CCNT2: variants seen among roughly 807,000 people sequenced by gnomAD.
CCNT2 encodes cyclin T2.
In CCNT2, 18 loss-of-function variants were observed where a neutral mutation model predicts 70.0. The observed-to-expected ratio is 0.26, with a 90% CI of 0.18 to 0.38. The LOEUF is 0.38. Ranked by LOEUF, CCNT2 falls within the 10% of genes least tolerant of loss-of-function variation. The probability of loss-of-function intolerance (pLI) is 1.00; values close to 1 mark genes in which losing one functional copy is unlikely to be tolerated. For missense variants in CCNT2, 734 were observed against 890.2 expected, an observed-to-expected ratio of 0.82 and a Z score of 2.23; for synonymous variants, 334 against 313.3, an observed-to-expected ratio of 1.07 and a Z score of -0.70.
intron 2 of CCNT2, among the ~76,000 whole-genome samples, chr2:134,930,167 C>T (rs1381611401): frequency 1.3e-5 from 2 of 152,200 alleles, no homozygotes; most frequent in Non-Finnish European, 2.9e-5. Context: ...CTCCCCTTCC[C>T]AACCCTGGGC....
intron 2 of CCNT2, among the ~76,000 whole-genome samples, chr2:134,925,986 C>T (rs1573781500): frequency 1.3e-5 from 2 of 151,624 alleles, no homozygotes; most frequent in East Asian, 1.9e-4. Context: ...CCACCTTAGC[C>T]TCCCAAGTAG....
In CCNT2 at chr2:134,957,910, C is replaced by T. The variant is rs1683018483; in HGVS notation, c.*3262C>T. 1 of 152,058 alleles carries T rather than the reference C, an allele frequency of 6.6e-6. No individual in the cohort carries two copies. The highest frequency in any genetic ancestry group is 2.1e-4 in the South Asian group (1 of 4,822). 9.4% of individuals were successfully genotyped at this position (152,058 alleles called of 1,614,324 possible). ...GATTGTATTAATAATTAATAGAATA[C>T]CTAATTTTTTTGGCCTATCCTCTTT... On this transcript the variant is annotated 3_prime_UTR_variant, in exon 9 of 9. Transcript: ENST00000264157.
chr2:134,924,922 T>C (rs1331510444), intron 2 of CCNT2, among the ~76,000 whole-genome samples: 2 of 152,210 alleles, frequency 1.3e-5, no homozygotes, highest in Admixed American at 1.3e-4. Context: ...TGAAGGACCC[T>C]AGAGTGTGTG....
chr2:134,944,237 A>T, intron 5 of CCNT2: 1 of 981,898 alleles, frequency 1.0e-6, no homozygotes, highest in Non-Finnish European at 1.2e-6. Flanking sequence ...TGAATTAAGG[A>T]AAAAGGGTTA....
chr2:134,949,807 G>GGA (rs1682317117), intron 7 of CCNT2, among the ~76,000 whole-genome samples: 1 of 137,496 alleles, frequency 7.3e-6, no homozygotes, highest in East Asian at 2.4e-4. Context: ...TTTTTCGGGG[G>GGA]GGGGGTGGGG....
intron 2 of CCNT2, among the ~76,000 whole-genome samples, chr2:134,922,047 T>G (rs1336472147): frequency 6.6e-6 from 1 of 152,218 alleles, no homozygotes; most frequent in African/African-American, 2.4e-5. Context: ...CGCCTCACTT[T>G]TATCTTTCTT....
At chr2:134,944,833 G>T (rs892852260) in intron 5 of CCNT2, 5 of 984,770 alleles carry the variant, frequency 5.1e-6, no homozygotes, top group Non-Finnish European at 6.0e-6. Context: ...ACTGTTTCTG[G>T]ATCACTGAAT....
chr2:134,947,825 A>C lies in CCNT2; in HGVS notation c.629A>C (p.Glu210Ala). The change falls in exon 7 of 9, where the codon GAG becomes GCG. Residue 210 changes from glutamate to alanine, a missense_variant. Physicochemically the swap from Glu to Ala is moderately radical, Grantham distance 107 (BLOSUM62 -1). Transcript: ENST00000264157. ...IHLACKWSNW[E>A]IPVSTDGKHW... The stretch of plus-strand genomic sequence containing the variant: ...TTGGCTTGCAAATGGTCCAATTGGG[A>C]GATCCCTGTATCAACTGATGGAAAG... 1 of 1,561,146 alleles carries C rather than the reference A, an allele frequency of 6.4e-7. No homozygotes were observed. Among genetic ancestry groups the C allele is most frequent in the Non-Finnish European group, 8.8e-7 (1 of 1,142,538 alleles).
intron 5 of CCNT2, 31 bp from the exon 6 acceptor site, chr2:134,946,070 T>C: frequency 1.9e-6 from 3 of 1,610,710 alleles, no homozygotes; most frequent in Non-Finnish European, 2.5e-6. Flanking sequence ...AGGCTGATAG[T>C]ATTGTCTTCG....
At chr2:134,924,638 C>T (rs7589040) in intron 2 of CCNT2, among the ~76,000 whole-genome samples, 52,305 of 151,770 alleles carry the variant, frequency 0.34, 9,762 homozygotes, top group Middle Eastern at 0.67. Context: ...TTAGTAGAGA[C>T]GGGTTTTCAC....
chr2:134,924,421 C>T (rs1254230488), intron 2 of CCNT2, among the ~76,000 whole-genome samples: 4 of 152,076 alleles, frequency 2.6e-5, no homozygotes, highest in East Asian at 3.8e-4. Context: ...AACTCAGTGT[C>T]GATCCCCTCC....
chr2:134,953,887 G>A lies in CCNT2; in HGVS notation c.1432G>A (p.Val478Ile). The change falls in exon 9 of 9, where the codon GTT (valine) becomes ATT (isoleucine). Residue 478 changes from valine (V) to isoleucine (I), a missense_variant. By Grantham distance (29) the Val-to-Ile change is conservative. This residue lies in a region of CCNT2 where 532 missense variants were observed against 556.9 expected (regional missense o/e 0.96). Coordinates refer to ENST00000264157, the MANE Select transcript of CCNT2 (RefSeq NM_058241.3). ...GQSQAASSSS[V>I]TSPIKMKIPI... ...GTCACAGGCAGCCAGCAGCAGTTCT[G>A]TTACTTCTCCCATTAAAATGAAAAT... 1 of 1,613,922 alleles carries A rather than the reference G, an allele frequency of 6.2e-7. No individual in the cohort carries two copies. Among genetic ancestry groups the A allele is most frequent in the South Asian group, 1.1e-5 (1 of 91,052 alleles).
At chr2:134,926,994 G>A (rs569714975) in intron 2 of CCNT2, among the ~76,000 whole-genome samples, 25 of 152,176 alleles carry the variant, frequency 1.6e-4, no homozygotes, top group Non-Finnish European at 2.1e-4. Flanking sequence ...TTAAATGACA[G>A]CCTATTGTGG....
In CCNT2 at chr2:134,939,080, A is replaced by C; in HGVS notation, c.430+18A>C. ...AACTCTAGGTACGTACTTACATCAG[A>C]TAATGGCTTTTTGTGTGTATTTCAC... On this transcript the variant is annotated intron_variant, in intron 4 of 8. Transcript: ENST00000264157. 2 of 1,547,380 alleles carry C rather than the reference A, an allele frequency of 1.3e-6. No homozygotes were observed. The highest frequency in any genetic ancestry group is 1.8e-6 in the Non-Finnish European group (2 of 1,121,654).
At chr2:134,942,728 A>G in intron 5 of CCNT2, 54 bp downstream of exon 5, 1 of 1,483,046 alleles carries the variant, frequency 6.7e-7, no homozygotes, top group East Asian at 2.4e-5. Flanking sequence ...TATTATCTGT[A>G]ATTGATTTGG....
intron 6 of CCNT2, among the ~76,000 whole-genome samples, chr2:134,946,794 A>G (rs1682008123): frequency 6.6e-6 from 1 of 152,066 alleles, no homozygotes; most frequent in Non-Finnish European, 1.5e-5. Context: ...ACTGAACTGG[A>G]AGAATAGTCT....
intron 5 of CCNT2, chr2:134,943,513 C>T: frequency 1.0e-6 from 1 of 984,218 alleles, no homozygotes; most frequent in Non-Finnish European, 1.2e-6. Flanking sequence ...AAAGTGGTTT[C>T]CTTTTTGTAA....
At position 134,959,336 on chromosome 2, in the gene CCNT2, A is replaced by G. The variant is rs1362133510; in HGVS notation, c.*4688A>G. The G allele has an allele frequency of 1.3e-5, 2 of 152,230 alleles. No homozygotes were observed. Among genetic ancestry groups the G allele is most frequent in the Non-Finnish European group, 2.9e-5 (2 of 68,040 alleles). The allele number at this position is 152,230 out of a possible 1,614,324, so 9.4% of individuals were successfully genotyped here. A position where few individuals can be genotyped will look rare whatever the true frequency, so the allele number is the denominator to read the frequency against. ...GGAACTAATAAAATGTTTATTGACAACATAAATCCAAGGCTCTAACATGTC... is the reference window on the plus strand; with the variant it reads ...GGAACTAATAAAATGTTTATTGACAGCATAAATCCAAGGCTCTAACATGTC... On this transcript the variant is annotated 3_prime_UTR_variant, in exon 9 of 9. Coordinates refer to ENST00000264157, the MANE Select transcript of CCNT2 (RefSeq NM_058241.3).
At chr2:134,924,949 A>C (rs767293461) in intron 2 of CCNT2, among the ~76,000 whole-genome samples, 4 of 152,218 alleles carry the variant, frequency 2.6e-5, no homozygotes, top group African/African-American at 9.6e-5. Flanking sequence ...AGAGTTTCCA[A>C]CTGTCTGAAT....
Sources: allele counts gnomAD v4.1 joint callset (sites outside exome capture counted in the v4.1 genomes callset), GRCh38; gene constraint gnomAD v4.1.1; regional missense constraint gnomAD v4.1.1; transcripts MANE v1.5; gene names NCBI Gene and HGNC (gene_info 2026-07-23, HGNC 2026-07-21).